Variants in ST7L observed in about 807,000 individuals in gnomAD.
ST7L encodes suppression of tumorigenicity 7 like.
In ST7L, 57 loss-of-function variants were observed where a neutral mutation model predicts 72.5. The ratio of observed to expected loss-of-function variants is 0.79; its 90% CI spans 0.64 to 0.98. The LOEUF is 0.98. ST7L is among the 50% of genes least tolerant of loss of function. ST7L has a pLI of 0.00. For missense variants in ST7L, 576 were observed against 672.2 expected, an observed-to-expected ratio of 0.86 and a Z score of 1.58; for synonymous variants, 221 against 240.9, an observed-to-expected ratio of 0.92 and a Z score of 0.77.
the ST7L span, chr1:112,517,884 G>GTATC: frequency 6.4e-6 from 1 of 156,228 alleles, no homozygotes; most frequent in Non-Finnish European, 1.4e-5. Context: ...AGTGTAGGGA[G>GTATC]TATCTGGATA....
chr1:112,602,211 T>C (rs1667531335), intron 3 of ST7L, among the ~76,000 whole-genome samples: 1 of 151,652 alleles, frequency 6.6e-6, no homozygotes, highest in Non-Finnish European at 1.5e-5. Flanking sequence ...AGCAGAAAAA[T>C]AACAAATATC....
chr1:112,537,549 T>C (rs2101318014), intron 14 of ST7L, among the ~76,000 whole-genome samples: 1 of 152,342 alleles, frequency 6.6e-6, no homozygotes, highest in South Asian at 2.1e-4. Context: ...AAGAAGCTCC[T>C]TTCAGATAAG....
chr1:112,524,736 G>A lies in ST7L; in HGVS notation c.*1277C>T, dbSNP rs1484015122. On this transcript the variant is annotated 3_prime_UTR_variant, in exon 15 of 15. Transcript: ENST00000358039. ...CACTCTTTGCCCTCCCTGTCAGCCT[G>A]AGCACAACCATGAGGTTACACACAC... 6.6e-6 allele frequency: 1 copy of A among 152,022 alleles called. No homozygotes were observed. Among genetic ancestry groups the A allele is most frequent in the Non-Finnish European group, 1.5e-5 (1 of 68,048 alleles). The allele number at this position is 152,022 out of a possible 1,614,324, so 9.4% of individuals were successfully genotyped here. A position where few individuals can be genotyped will look rare whatever the true frequency, so the allele number is the denominator to read the frequency against.
upstream of ST7L, chr1:112,619,504 A>G (rs1262756166): frequency 8.3e-5 from 43 of 521,110 alleles, no homozygotes; most frequent in Admixed American, 1.5e-3. Flanking sequence ...CGGGCACCAG[A>G]AAAACTTGTA....
At chr1:112,567,266 T>C (rs769561080) in intron 11 of ST7L, among the ~76,000 whole-genome samples, 6 of 152,236 alleles carry the variant, frequency 3.9e-5, no homozygotes, top group Non-Finnish European at 7.3e-5. Context: ...TCTTTATGTG[T>C]TATTGGACAT....
intron 12 of ST7L, among the ~76,000 whole-genome samples, chr1:112,553,655 A>G (rs1041914835): frequency 6.6e-6 from 1 of 152,200 alleles, no homozygotes; most frequent in African/African-American, 2.4e-5. Context: ...ACACTGTACA[A>G]CTTCTCAAAA....
chr1:112,556,416 GAATTA>G (rs943670887), intron 11 of ST7L, among the ~76,000 whole-genome samples: 13 of 152,182 alleles, frequency 8.5e-5, no homozygotes, highest in African/African-American at 2.4e-4. Flanking sequence ...CTGAAAGGAA[GAATTA>G]AATATAAAAA....
intron 14 of ST7L, among the ~76,000 whole-genome samples, chr1:112,531,100 AG>A (rs1476575700): frequency 6.6e-6 from 1 of 152,190 alleles, no homozygotes; most frequent in Non-Finnish European, 1.5e-5. Context: ...CAAAGAACTA[AG>A]TAATTTTGGT....
intron 13 of ST7L, among the ~76,000 whole-genome samples, chr1:112,546,316 CAAAAA>C (rs57742086): frequency 1.1e-5 from 1 of 91,344 alleles, no homozygotes; most frequent in Non-Finnish European, 2.2e-5. Context: ...AATCCTAACT[CAAAAA>C]AAAAAAAAAA....
chr1:112,580,870 G>A (rs1159775687), intron 9 of ST7L, among the ~76,000 whole-genome samples: 1 of 152,378 alleles, frequency 6.6e-6, no homozygotes, highest in East Asian at 1.9e-4. Context: ...GGAGCTTGCA[G>A]TGAGCCGAGA....
At chr1:112,547,519 C>T (rs956767400) in intron 13 of ST7L, among the ~76,000 whole-genome samples, 1 of 146,524 alleles carries the variant, frequency 6.8e-6, no homozygotes, top group African/African-American at 2.5e-5. Context: ...TAATGTATTC[C>T]ATACATGTAG....
At chr1:112,580,204 A>C (rs1558012398) in intron 9 of ST7L, among the ~76,000 whole-genome samples, 1 of 152,206 alleles carries the variant, frequency 6.6e-6, no homozygotes, top group Non-Finnish European at 1.5e-5. Flanking sequence ...GCTGGAATAC[A>C]GTGGTGCAAT....
intron 9 of ST7L, among the ~76,000 whole-genome samples, chr1:112,580,117 C>G (rs1483512828): frequency 6.6e-6 from 1 of 152,134 alleles, no homozygotes; most frequent in Non-Finnish European, 1.5e-5. Flanking sequence ...GGGTAGGAAC[C>G]TATAACAGGA....
At position 112,567,623 on chromosome 1, in the gene ST7L, T is replaced by G. The variant is rs188225355; in HGVS notation, c.1245+9363A>C. 9.8e-5 allele frequency among the ~76,000 whole-genome samples: 15 copies of G among 152,328 alleles called. No homozygotes were observed. The East Asian group carries it at 2.7e-3, about 27-fold the overall frequency. ...CAATGACACATTTCAAATTAATTTT[T>G]GTGTATGCTATGTGAAAAAAATTCA... On this transcript the variant is annotated intron_variant, in intron 11 of 14. Coordinates refer to ENST00000358039, the MANE Select transcript of ST7L (RefSeq NM_017744.5).
intron 13 of ST7L, among the ~76,000 whole-genome samples, chr1:112,542,956 C>T (rs1307098411): frequency 2.6e-5 from 4 of 151,966 alleles, no homozygotes; most frequent in Non-Finnish European, 2.9e-5. Context: ...CAGGCCACTA[C>T]GCCCAGCTAC....
intron 12 of ST7L, among the ~76,000 whole-genome samples, chr1:112,551,753 T>C (rs1466301739): frequency 6.6e-6 from 1 of 152,218 alleles, no homozygotes; most frequent in Non-Finnish European, 1.5e-5. Flanking sequence ...TTCCATTAGC[T>C]AAGTACATAA....
chr1:112,596,917 G>A (rs187608117), intron 5 of ST7L, among the ~76,000 whole-genome samples: 4 of 152,256 alleles, frequency 2.6e-5, no homozygotes, highest in Non-Finnish European at 5.9e-5. Context: ...GATTACAGGC[G>A]TGAGCCACCG....
chr1:112,562,852 T>C (rs867678225), intron 11 of ST7L, among the ~76,000 whole-genome samples: 1 of 152,142 alleles, frequency 6.6e-6, no homozygotes. Flanking sequence ...GAAGGGCTGA[T>C]GGCAGAAAGA....
chr1:112,559,969 C>T (rs1659835828), intron 11 of ST7L, among the ~76,000 whole-genome samples: 1 of 151,808 alleles, frequency 6.6e-6, no homozygotes, highest in Non-Finnish European at 1.5e-5. Context: ...CAGAGCAAGA[C>T]TCCATTTCAA....
Sources: gnomAD v4.1 joint callset for allele counts (sites outside exome capture counted in the v4.1 genomes callset) on GRCh38, gnomAD v4.1.1 for gene constraint, MANE v1.5 for transcripts, NCBI Gene and HGNC (gene_info 2026-07-23, HGNC 2026-07-21) for gene names.